CDH6: variants seen among roughly 807,000 people sequenced by gnomAD.
The protein encoded by CDH6 is cadherin 6, also known as cadherin-6.
A neutral mutation model predicts 78.0 loss-of-function variants in CDH6; 31 were observed. That is an observed-to-expected ratio of 0.40 (90% CI 0.30 to 0.54). The LOEUF (loss-of-function observed/expected upper bound fraction) is 0.54. CDH6 is among the 20% of genes least tolerant of loss of function. The pLI, the probability that CDH6 is intolerant of heterozygous loss-of-function variation, is 0.56. For synonymous variants in CDH6, 376 were observed against 368.8 expected, an observed-to-expected ratio of 1.02 and a Z score of -0.23; for missense variants, 724 against 975.9, an observed-to-expected ratio of 0.74 and a Z score of 3.44.
intron 8 of CDH6, among the ~76,000 whole-genome samples, chr5:31,314,361 T>C (rs1401996513): frequency 7.0e-6 from 1 of 143,104 alleles, no homozygotes; most frequent in Non-Finnish European, 1.5e-5. Flanking sequence ...ACTAGGCTTC[T>C]AAATTACAGC....
At chr5:31,240,925 G>A (rs1332664521) in intron 1 of CDH6, among the ~76,000 whole-genome samples, 1 of 152,136 alleles carries the variant, frequency 6.6e-6, no homozygotes, top group African/African-American at 2.4e-5. Context: ...CTTTCTGATT[G>A]CCTTGTCATT....
At position 31,323,597 on chromosome 5, in the gene CDH6, G is replaced by A. The variant is rs1043171198; in HGVS notation, c.*289G>A. 1.6e-5 allele frequency: 6 copies of A among 385,066 alleles called. No homozygotes were observed. The highest frequency in any genetic ancestry group is 7.9e-5 in the African/African-American group (4 of 50,570). 23.9% of individuals were successfully genotyped at this position (385,066 alleles called of 1,614,324 possible). Reference sequence around the variant, plus strand: ...TTTCCACTTGTTCTCAGGGCAGCGTGCCCGCTTCCGCTGTCCTGGTGTTTT... The same window carrying A: ...TTTCCACTTGTTCTCAGGGCAGCGTACCCGCTTCCGCTGTCCTGGTGTTTT... On this transcript the variant is annotated 3_prime_UTR_variant, in exon 12 of 12. Coordinates refer to ENST00000265071, the MANE Select transcript of CDH6 (RefSeq NM_004932.4).
intron 1 of CDH6, among the ~76,000 whole-genome samples, chr5:31,234,051 AT>A (rs33910848): frequency 0.99 from 150,828 of 152,300 alleles, 74,699 homozygotes; most frequent in Middle Eastern, 1. Context: ...TCTCAAATAC[AT>A]TTTTTTCATA....
intron 2 of CDH6, among the ~76,000 whole-genome samples, chr5:31,272,866 T>C (rs1742567020): frequency 6.6e-6 from 1 of 152,164 alleles, no homozygotes; most frequent in Admixed American, 6.5e-5. Flanking sequence ...GAAGTTGGTG[T>C]TGGTTTTGGG....
chr5:31,242,347 A>T (rs1049649140), intron 1 of CDH6, among the ~76,000 whole-genome samples: 1 of 152,164 alleles, frequency 6.6e-6, no homozygotes, highest in African/African-American at 2.4e-5. Flanking sequence ...AGAGCATCCC[A>T]TGGGATAGTA....
intron 1 of CDH6, among the ~76,000 whole-genome samples, chr5:31,214,847 A>G (rs1283440774): frequency 1.3e-5 from 2 of 152,196 alleles, no homozygotes; most frequent in Non-Finnish European, 2.9e-5. Context: ...CACAATTCAT[A>G]TCAGTTCATT....
chr5:31,283,549 A>G (rs1406149668), intron 2 of CDH6, among the ~76,000 whole-genome samples: 2 of 152,220 alleles, frequency 1.3e-5, no homozygotes, highest in East Asian at 1.9e-4. Context: ...GTCCCGGCCC[A>G]TGATATGGGC....
chr5:31,292,509 T>A (rs1737402199), intron 2 of CDH6, among the ~76,000 whole-genome samples: 1 of 152,090 alleles, frequency 6.6e-6, no homozygotes, highest in Non-Finnish European at 1.5e-5. Flanking sequence ...TTGTGCAGTA[T>A]TAACCAACAA....
intron 1 of CDH6, among the ~76,000 whole-genome samples, chr5:31,217,576 A>G (rs1740902217): frequency 1.3e-5 from 2 of 152,196 alleles, no homozygotes; most frequent in Admixed American, 1.3e-4. Context: ...GAGCACTTTA[A>G]TAAGTACCTG....
intron 2 of CDH6, among the ~76,000 whole-genome samples, chr5:31,283,599 C>T (rs56212776): frequency 0.065 from 9,951 of 152,152 alleles, 365 homozygotes; most frequent in South Asian, 0.14. Flanking sequence ...CAAATCCCAG[C>T]CAGACCAATT....
chr5:31,224,749 G>A (rs1008400387), intron 1 of CDH6, among the ~76,000 whole-genome samples: 4 of 152,084 alleles, frequency 2.6e-5, no homozygotes, highest in African/African-American at 7.2e-5. Context: ...TTGCCTTGTT[G>A]CCCAGGCTTG....
chr5:31,305,410 T>C lies in CDH6; in HGVS notation c.1236T>C (p.Ala412=). The C allele has an allele frequency of 6.2e-7, 1 of 1,613,736 alleles. No individual in the cohort carries two copies. The highest frequency in any genetic ancestry group is 1.1e-5 in the South Asian group (1 of 91,026). ...IGSVTAQDPD[A]ARNPVKYSVD... is the part of the protein sequence containing the mutation. The stretch of plus-strand genomic sequence containing the variant: ...CCGTCACAGCCCAAGATCCAGATGC[T>C]GCCAGGAATCCTGTCAAGTAAGCAC... The change falls in exon 7 of 12, where the codon GCT becomes GCC. Residue 412 remains alanine, a synonymous_variant. Transcript: ENST00000265071.
chr5:31,233,873 C>G (rs2111859050), intron 1 of CDH6, among the ~76,000 whole-genome samples: 1 of 152,308 alleles, frequency 6.6e-6, no homozygotes, highest in East Asian at 1.9e-4. Context: ...AATATATTAC[C>G]TGACTATCAT....
At chr5:31,240,333 T>C (rs760145894) in intron 1 of CDH6, among the ~76,000 whole-genome samples, 5 of 152,206 alleles carry the variant, frequency 3.3e-5, no homozygotes, top group Non-Finnish European at 7.3e-5. Context: ...ATGCTAACTT[T>C]AGGTATTTCT....
chr5:31,324,214 C>G lies in CDH6; in HGVS notation c.*906C>G, dbSNP rs1253479944. On this transcript the variant is annotated 3_prime_UTR_variant, in exon 12 of 12. Coordinates refer to ENST00000265071, the MANE Select transcript of CDH6 (RefSeq NM_004932.4). ...CCTGAGACAAATTTTAACTTCTTGT[C>G]TATAGTTGTCAGTATTATTCTACTA... 1 of 215,370 alleles carries G rather than the reference C, an allele frequency of 4.6e-6. No individual in the cohort carries two copies. The highest frequency in any genetic ancestry group is 9.4e-6 in the Non-Finnish European group (1 of 106,940). 13.3% of individuals were successfully genotyped at this position (215,370 alleles called of 1,614,324 possible). A position where few individuals can be genotyped will look rare whatever the true frequency, so the allele number is the denominator to read the frequency against.
chr5:31,311,495 C>T (rs1284144391), intron 7 of CDH6, among the ~76,000 whole-genome samples: 2 of 152,176 alleles, frequency 1.3e-5, no homozygotes, highest in Non-Finnish European at 2.9e-5. Context: ...TTACCCAGTT[C>T]CAAAGTTGCT....
At chr5:31,208,898 G>C (rs1344903746) in intron 1 of CDH6, among the ~76,000 whole-genome samples, 6 of 152,144 alleles carry the variant, frequency 3.9e-5, no homozygotes. Flanking sequence ...TGATTATGTA[G>C]TCCAATTTCA....
chr5:31,313,690 C>G (rs1175874190), intron 8 of CDH6, among the ~76,000 whole-genome samples: 1 of 152,086 alleles, frequency 6.6e-6, no homozygotes. Flanking sequence ...GGGAATGTAT[C>G]TCACAAATGA....
intron 1 of CDH6, among the ~76,000 whole-genome samples, chr5:31,226,088 C>A (rs7727640): frequency 0.025 from 3,830 of 152,214 alleles, 168 homozygotes; most frequent in African/African-American, 0.088. Context: ...TTAGATATAA[C>A]TAAGTAGCCC....
Sources: allele counts gnomAD v4.1 joint callset (sites outside exome capture counted in the v4.1 genomes callset), GRCh38; gene constraint gnomAD v4.1.1; transcripts MANE v1.5; gene names NCBI Gene and HGNC (gene_info 2026-07-23, HGNC 2026-07-21).